The following SNAPC4 variants were observed in gnomAD, a reference collection of about 807,000 sequenced individuals.
The protein encoded by SNAPC4 is small nuclear RNA activating complex polypeptide 4.
SNAPC4 carries 127 observed loss-of-function variants against 151.3 expected under a neutral mutation model. The ratio of observed to expected loss-of-function variants is 0.84; its 90% CI spans 0.73 to 0.97. The LOEUF is 0.97. Ranked by LOEUF, SNAPC4 falls within the 50% of genes least tolerant of loss-of-function variation. The pLI, the probability that SNAPC4 is intolerant of heterozygous loss-of-function variation, is 0.00. For missense variants in SNAPC4, 2,186 were observed against 1,935.0 expected (o/e 1.13, Z -2.43); for synonymous variants, 1,002 against 824.4 (o/e 1.22, Z -3.69).
At chr9:136,390,873 C>T (rs1039680870) in intron 10 of SNAPC4, among the ~76,000 whole-genome samples, 34 of 149,548 alleles carry the variant, frequency 2.3e-4, no homozygotes, top group African/African-American at 7.4e-4. Flanking sequence ...GTCTTGCTGT[C>T]GCCCAGGCTG....
Position 136,398,287 on chromosome 9 carries a change from C to T in SNAPC4, c.130+12G>A, listed in dbSNP as rs543982324. 3 of 1,609,690 alleles carry T rather than the reference C, an allele frequency of 1.9e-6. No homozygotes were observed. In the East Asian group the frequency reaches 6.7e-5, roughly 36 times the overall value. ...TACCAGGACCCCAGGAGGCTAGGTACAAGGGGCTTACCTGCTTCAGAATCT... is the reference window on the plus strand; with the variant it reads ...TACCAGGACCCCAGGAGGCTAGGTATAAGGGGCTTACCTGCTTCAGAATCT... On this transcript the variant is annotated intron_variant, in intron 2 of 23. Transcript: ENST00000684778.
At chr9:136,390,243 GA>G (rs1409319595) in intron 10 of SNAPC4, among the ~76,000 whole-genome samples, 1 of 152,078 alleles carries the variant, frequency 6.6e-6, no homozygotes, top group Non-Finnish European at 1.5e-5. Flanking sequence ...TGGAAATGAC[GA>G]TTTGTTAAAA....
chr9:136,392,380 G>A (rs1399619535), intron 9 of SNAPC4, 142 bp downstream of exon 9: 9 of 891,400 alleles, frequency 1.0e-5, no homozygotes, highest in East Asian at 4.8e-5. Context: ...TGTGGGACAT[G>A]TGCTTGACCC....
rs1189873149 is a variant in SNAPC4 at position 136,378,274 on chromosome 9, G to C, written c.3553C>G (p.Pro1185Ala). The change falls in exon 22 of 24, where the codon CCT becomes GCT. Residue 1185 changes from proline (P) to alanine (A), a missense_variant. Pro to Ala is a conservative substitution (Grantham distance 27). Transcript: ENST00000684778. ...PGEAQVAREI[P>A]EPRTSSHADP... is the part of the protein sequence containing the mutation. ...GCGTGGGAGGACGTCCTGGGCTCAG[G>C]TATCTCCCTGGCCACCTGGGCCTCT... The C allele has an allele frequency of 2.5e-6, 4 of 1,605,918 alleles. No homozygotes were observed. Among genetic ancestry groups the C allele is most frequent in the African/African-American group, 2.7e-5 (2 of 74,876 alleles).
rs1214927594 is a variant in SNAPC4, at chr9:136,395,036, T to C, written c.472-158A>G. The stretch of plus-strand genomic sequence containing the variant: ...GGGTGCAACCCTGCCGGCCACTCCA[T>C]GAAGCCTGATGAGGTCAGGCCTCGC... On this transcript the variant is annotated intron_variant, in intron 5 of 23. Transcript: ENST00000684778. Among the ~76,000 whole-genome samples, 3 of 152,204 alleles carry C rather than the reference T, an allele frequency of 2.0e-5. No homozygotes were observed. In the East Asian group the frequency reaches 5.8e-4, roughly 29 times the overall value.
In SNAPC4 at chr9:136,378,503, C is replaced by T. The variant is rs1240535385; in HGVS notation, c.3324G>A (p.Leu1108=). 3.8e-6 allele frequency: 6 copies of T among 1,591,134 alleles called. No individual in the cohort carries two copies. In the South Asian group the frequency reaches 6.7e-5, roughly 18 times the overall value. The part of the protein sequence containing the change: ...RPAGTPGPAG[L]LATLLPPLTE... ...TCAGGGGAGGCAGCAGAGTGGCCAG[C>T]AGCCCTGCGGGGCCAGGGGTCCCTG... Residue 1108 remains leucine (L), a synonymous_variant, in exon 22 of 24, where the codon CTG becomes CTA. Coordinates refer to ENST00000684778, the MANE Select transcript of SNAPC4 (RefSeq NM_003086.4).
intron 16 of SNAPC4, among the ~76,000 whole-genome samples, chr9:136,382,856 G>T (rs533099658): frequency 6.6e-6 from 1 of 152,194 alleles, no homozygotes; most frequent in African/African-American, 2.4e-5. Context: ...GGGCCTCCAG[G>T]TGCACAGGCT....
In SNAPC4 at chr9:136,383,398, G is replaced by C; in HGVS notation, c.1771C>G (p.Leu591Val). The change falls in exon 16 of 24, where the codon CTG becomes GTG. Residue 591 changes from leucine (L) to valine (V), a missense_variant. Leu to Val is a conservative substitution (Grantham distance 32). Coordinates refer to ENST00000684778, the MANE Select transcript of SNAPC4 (RefSeq NM_003086.4). This position sits in a 1 kb window ranked among gnomAD's most constrained non-coding sequence, Gnocchi z 4.2. ...CTGAGGGAGGCAGCGGGGCCTCCCA[G>C]CCAGGCCCCTGCCCCTCCTCTCCAT... ...QPWRGGAGAW[L>V]GGPAASLSPP... 6.3e-7 allele frequency: 1 copy of C among 1,579,744 alleles called. No homozygotes were observed. Among genetic ancestry groups the C allele is most frequent in the Non-Finnish European group, 8.6e-7 (1 of 1,162,906 alleles).
Position 136,398,423 on chromosome 9 carries a change from A to G in SNAPC4, c.6T>C (p.Asp2=), listed in dbSNP as rs752651946. M[D]VDAEREKITQ... Reference sequence around the variant, plus strand: ...TTATCTTCTCTCTTTCAGCATCTACATCCATGACTCCCGCCTGCCTCCAAA... The same window carrying G: ...TTATCTTCTCTCTTTCAGCATCTACGTCCATGACTCCCGCCTGCCTCCAAA... The change falls in exon 2 of 24, where the codon GAT becomes GAC. Residue 2 remains aspartate (D), a synonymous_variant. Transcript: ENST00000684778. The G allele has an allele frequency of 6.2e-7, 1 of 1,613,056 alleles. No individual in the cohort carries two copies. Among genetic ancestry groups the G allele is most frequent in the Non-Finnish European group, 8.5e-7 (1 of 1,179,236 alleles).
intron 5 of SNAPC4, 108 bp from the exon 6 acceptor site, chr9:136,394,986 G>T: frequency 9.9e-7 from 1 of 1,007,274 alleles, no homozygotes; most frequent in Non-Finnish European, 1.5e-6. Flanking sequence ...CCTGCCTCCT[G>T]TTCTCCCGTA....
rs148846878 is a variant in SNAPC4, at chr9:136,377,532, G to A, written c.4284+11C>T. On this transcript the variant is annotated intron_variant, in intron 22 of 23. Transcript: ENST00000684778. ...CTGCCATGGGGAAGTGGGGCTGGGC[G>A]CCCACCCTACCTGAATGGGGCATGT... The A allele has an allele frequency of 5.4e-4, 810 of 1,501,758 alleles. 4 individuals carry two copies. The African/African-American group carries it at 7.8e-3, about 14-fold the overall frequency. The allele number at this position is 1,501,758 out of a possible 1,614,324, so 93.0% of individuals were successfully genotyped here.
chr9:136,386,269 G>A (rs924260726), intron 13 of SNAPC4, among the ~76,000 whole-genome samples: 4 of 151,838 alleles, frequency 2.6e-5, no homozygotes, highest in Non-Finnish European at 5.9e-5. Flanking sequence ...CATCTTCTTT[G>A]GAGAGACGGC....
intron 13 of SNAPC4, among the ~76,000 whole-genome samples, chr9:136,386,135 C>G (rs1281905072): frequency 6.8e-6 from 1 of 146,894 alleles, no homozygotes; most frequent in Non-Finnish European, 1.5e-5. Context: ...ACATCCTTGC[C>G]AACACGGTGA....
At chr9:136,392,619 GCAC>G (rs1322801786) in intron 8 of SNAPC4, 25 bp from the exon 9 acceptor site, 1 of 1,613,606 alleles carries the variant, frequency 6.2e-7, no homozygotes, top group South Asian at 1.1e-5. Flanking sequence ...GAGGGTATTG[GCAC>G]CACGCCTGGC....
intron 23 of SNAPC4, 49 bp downstream of exon 23, chr9:136,376,298 CCA>C: frequency 6.3e-7 from 1 of 1,597,558 alleles, no homozygotes; most frequent in Non-Finnish European, 8.6e-7. Context: ...CATCTGGACA[CCA>C]CTCTGTCCCC....
chr9:136,377,719 C>T lies in SNAPC4; in HGVS notation c.4108G>A (p.Ala1370Thr). Reference protein sequence around the residue: ...AYLLLRARFLAAFTLPALLAT... With the variant: ...AYLLLRARFLTAFTLPALLAT... Reference sequence around the variant, plus strand: ...AGGAGCGCAGGGAGGGTGAAGGCTGCCAGGAACCGCGCCCGCAACAGGAGG... The same window carrying T: ...AGGAGCGCAGGGAGGGTGAAGGCTGTCAGGAACCGCGCCCGCAACAGGAGG... Residue 1370 changes from alanine (A) to threonine (T), a missense_variant, in exon 22 of 24, where the codon GCA becomes ACA. Ala to Thr is a moderately conservative substitution (Grantham distance 58). Coordinates refer to ENST00000684778, the MANE Select transcript of SNAPC4 (RefSeq NM_003086.4). The T allele has an allele frequency of 6.2e-7, 1 of 1,608,634 alleles. No individual in the cohort carries two copies. Among genetic ancestry groups the T allele is most frequent in the Non-Finnish European group, 8.5e-7 (1 of 1,177,214 alleles).
intron 10 of SNAPC4, among the ~76,000 whole-genome samples, chr9:136,390,157 C>A (rs916012168): frequency 6.6e-6 from 1 of 152,140 alleles, no homozygotes; most frequent in Admixed American, 6.5e-5. Context: ...GAACACCCAC[C>A]CTCCCACAAA....
chr9:136,377,859 G>C lies in SNAPC4; in HGVS notation c.3968C>G (p.Ala1323Gly). The C allele has an allele frequency of 1.2e-6, 2 of 1,611,434 alleles. No homozygotes were observed. The highest frequency in any genetic ancestry group is 2.2e-5 in the South Asian group (2 of 91,082). ...CAGGGAGGTGGCCTTGTGCTCCAGGGCCTTCTTGTGGAGTAGGAGACCGGA... is the reference window on the plus strand; with the variant it reads ...CAGGGAGGTGGCCTTGTGCTCCAGGCCCTTCTTGTGGAGTAGGAGACCGGA... Reference protein sequence around the residue: ...ALSGLLLHKKALEHKATSLVV... With the variant: ...ALSGLLLHKKGLEHKATSLVV... Residue 1323 changes from alanine to glycine, a missense_variant, in exon 22 of 24, where the codon GCC becomes GGC. Ala to Gly is a moderately conservative substitution (Grantham distance 60). Transcript: ENST00000684778.
In SNAPC4 at chr9:136,379,210, G is replaced by A. The variant is rs773614528; in HGVS notation, c.2617C>T (p.Arg873Cys). The change falls in exon 22 of 24, where the codon CGC becomes TGC. Residue 873 changes from arginine to cysteine, a missense_variant. Transcript: ENST00000684778. Reference sequence around the variant, plus strand: ...AGCAGGGACGCCTGGGGTAGGGTGCGCTCCACCCGGCTGGACGCCAGTCTT... The same window carrying A: ...AGCAGGGACGCCTGGGGTAGGGTGCACTCCACCCGGCTGGACGCCAGTCTT... ...SRRLASSRVERTLPQASLLAS... is the reference protein window; with the variant it reads ...SRRLASSRVECTLPQASLLAS... 55 of 1,610,692 alleles carry A rather than the reference G, an allele frequency of 3.4e-5. No homozygotes were observed. Among genetic ancestry groups the A allele is most frequent in the Admixed American group, 6.7e-5 (4 of 59,690 alleles).
Sources: gnomAD v4.1 joint callset for allele counts (sites outside exome capture counted in the v4.1 genomes callset) on GRCh38, gnomAD v4.1.1 for gene constraint, Gnocchi (gnomAD v3.1) non-coding constraint, MANE v1.5 for transcripts, NCBI Gene and HGNC (gene_info 2026-07-23, HGNC 2026-07-21) for gene names.